KIF26B: variants seen among roughly 807,000 people sequenced by gnomAD.
KIF26B encodes kinesin-like protein KIF26B.
Under a neutral mutation model 151.2 loss-of-function variants are expected in KIF26B, and 63 were observed. The ratio of observed to expected loss-of-function variants is 0.42; its 90% CI spans 0.34 to 0.51. The LOEUF is 0.51. Among genes scored for constraint, KIF26B ranks in the 20% least tolerant of loss-of-function variants. The pLI, the probability that KIF26B is intolerant of heterozygous loss-of-function variation, is 0.07. For missense variants in KIF26B, 2,813 were observed against 2,913.6 expected (o/e 0.97, Z 0.79); for synonymous variants, 1,357 against 1,262.1 (o/e 1.08, Z -1.59).
intron 9 of KIF26B, among the ~76,000 whole-genome samples, chr1:245,630,743 G>GTAAA (rs563430535): frequency 0.018 from 2,769 of 152,074 alleles, 36 homozygotes; most frequent in South Asian, 0.052. Context: ...AGAACTTGAA[G>GTAAA]TAAATAAATA....
intron 2 of KIF26B, among the ~76,000 whole-genome samples, chr1:245,295,240 A>C (rs1255913845): frequency 1.3e-5 from 2 of 152,190 alleles, no homozygotes; most frequent in Non-Finnish European, 2.9e-5. Flanking sequence ...ATTGGTTTAA[A>C]ATTTTAGCTG....
chr1:245,492,486 G>A (rs914939070), intron 4 of KIF26B, among the ~76,000 whole-genome samples: 8 of 152,240 alleles, frequency 5.3e-5, no homozygotes, highest in African/African-American at 1.7e-4. Flanking sequence ...GAGCTAATAA[G>A]AGAATGTGGG....
At chr1:245,236,775 G>A (rs1670117315) in intron 2 of KIF26B, among the ~76,000 whole-genome samples, 1 of 152,228 alleles carries the variant, frequency 6.6e-6, no homozygotes, top group African/African-American at 2.4e-5. Context: ...AATACTGAGT[G>A]TGTGTGGCCG....
At chr1:245,538,480 T>C (rs1661533192) in intron 4 of KIF26B, among the ~76,000 whole-genome samples, 1 of 151,724 alleles carries the variant, frequency 6.6e-6, no homozygotes. Flanking sequence ...TATCCTGGGG[T>C]GTGCTTTACT....
chr1:245,208,188 C>T (rs1301553875), intron 2 of KIF26B, among the ~76,000 whole-genome samples: 2 of 152,198 alleles, frequency 1.3e-5, no homozygotes, highest in African/African-American at 4.8e-5. Flanking sequence ...CAGTGGGACT[C>T]TACTTGGCTG....
chr1:245,690,707 G>A (rs111226132), intron 12 of KIF26B, among the ~76,000 whole-genome samples: 341 of 151,970 alleles, frequency 2.2e-3, no homozygotes, highest in African/African-American at 7.5e-3. Flanking sequence ...GGGAATCATC[G>A]TGGCTGTCAG....
chr1:245,402,758 A>C (rs1674036975), intron 3 of KIF26B, among the ~76,000 whole-genome samples: 1 of 152,226 alleles, frequency 6.6e-6, no homozygotes, highest in African/African-American at 2.4e-5. Context: ...AGCTTAGTAC[A>C]CACTAGGTTT....
At chr1:245,533,902 T>G (rs771300604) in intron 4 of KIF26B, among the ~76,000 whole-genome samples, 1 of 152,168 alleles carries the variant, frequency 6.6e-6, no homozygotes, top group Non-Finnish European at 1.5e-5. Flanking sequence ...TGGACCTCAT[T>G]TTTTTAGGTT....
At chr1:245,655,784 T>C (rs552886522) in intron 10 of KIF26B, among the ~76,000 whole-genome samples, 2 of 152,386 alleles carry the variant, frequency 1.3e-5, no homozygotes, top group African/African-American at 4.8e-5. Context: ...ATGTTTTTAA[T>C]GCTGGAGTAA....
At chr1:245,344,879 T>C (rs1000704798) in intron 2 of KIF26B, among the ~76,000 whole-genome samples, 8 of 152,066 alleles carry the variant, frequency 5.3e-5, no homozygotes, top group African/African-American at 1.9e-4. Flanking sequence ...CTACGTTGAT[T>C]CGTGGAAAAA....
At chr1:245,519,406 T>G (rs768153566) in intron 4 of KIF26B, among the ~76,000 whole-genome samples, 5 of 151,812 alleles carry the variant, frequency 3.3e-5, no homozygotes, top group Non-Finnish European at 7.4e-5. Flanking sequence ...ATACAAAAAT[T>G]AGCCAGGTGT....
At chr1:245,345,669 T>A (rs1021906700) in intron 2 of KIF26B, among the ~76,000 whole-genome samples, 2 of 152,114 alleles carry the variant, frequency 1.3e-5, no homozygotes, top group Admixed American at 1.3e-4. Flanking sequence ...CCCTTGCTGC[T>A]GTTCTCGTGA....
chr1:245,317,448 G>A lies in KIF26B; in HGVS notation c.466-49386G>A, dbSNP rs542693978. 2.6e-5 allele frequency among the ~76,000 whole-genome samples: 4 copies of A among 152,314 alleles called. No homozygotes were observed. In the South Asian group the frequency reaches 8.3e-4, roughly 32 times the overall value. ...AGGGAGGCCGTTTGTTTTGGGCACT[G>A]CTGAGAAAAACAGACTAATCACCTA... On this transcript the variant is annotated intron_variant, in intron 2 of 14. Transcript: ENST00000407071.
At chr1:245,280,452 A>G (rs1306946733) in intron 2 of KIF26B, among the ~76,000 whole-genome samples, 1 of 149,280 alleles carries the variant, frequency 6.7e-6, no homozygotes, top group Non-Finnish European at 1.5e-5. Context: ...AATGGCGTGA[A>G]CCTGGGAGAC....
At chr1:245,333,299 G>A (rs1223453577) in intron 2 of KIF26B, among the ~76,000 whole-genome samples, 1 of 152,200 alleles carries the variant, frequency 6.6e-6, no homozygotes, top group Non-Finnish European at 1.5e-5. Context: ...CTACAGCCTG[G>A]ATGAACCTTG....
chr1:245,403,320 G>A (rs112910423), intron 3 of KIF26B, among the ~76,000 whole-genome samples: 76 of 152,302 alleles, frequency 5.0e-4, no homozygotes, highest in South Asian at 4.4e-3. Context: ...AGGAGCTTCT[G>A]TAGCCTCCAA....
chr1:245,707,121 A>T lies in KIF26B; in HGVS notation c.*4515A>T, dbSNP rs537599029. The T allele has an allele frequency of 2.2e-4, 33 of 152,230 alleles. No individual in the cohort carries two copies. The highest frequency in any genetic ancestry group is 2.9e-4 in the African/African-American group (12 of 41,540). 9.4% of individuals were successfully genotyped at this position (152,230 alleles called of 1,614,324 possible). On this transcript the variant is annotated 3_prime_UTR_variant, in exon 15 of 15. Coordinates refer to ENST00000407071, the MANE Select transcript of KIF26B (RefSeq NM_018012.4). ...CATTTAAGCTCATCTTCTCAAAAAAATTTTTTCTGAAAATTCCTGGAAACT... is the reference window on the plus strand; with the variant it reads ...CATTTAAGCTCATCTTCTCAAAAAATTTTTTTCTGAAAATTCCTGGAAACT...
chr1:245,287,907 A>G (rs1109913), intron 2 of KIF26B, among the ~76,000 whole-genome samples: 89,953 of 151,552 alleles, frequency 0.59, 27,076 homozygotes, highest in East Asian at 0.7. Context: ...CATCTTTCAT[A>G]CTTATTTTTC....
intron 10 of KIF26B, among the ~76,000 whole-genome samples, chr1:245,665,999 CTT>C (rs33957488): frequency 7.0e-4 from 75 of 107,394 alleles, no homozygotes; most frequent in South Asian, 2.9e-3. Flanking sequence ...ACATTATGTC[CTT>C]TTTTTTTTTT....
Sources: gnomAD v4.1 joint callset for allele counts (sites outside exome capture counted in the v4.1 genomes callset) on GRCh38, gnomAD v4.1.1 for gene constraint, MANE v1.5 for transcripts, NCBI Gene and HGNC (gene_info 2026-07-23, HGNC 2026-07-21) for gene names.